TTN: variants seen among roughly 807,000 people sequenced by gnomAD.
The protein encoded by TTN is titin.
Under a neutral mutation model 3,223.0 loss-of-function variants are expected in TTN, and 1,525 were observed. The observed-to-expected ratio is 0.47, with a 90% CI of 0.45 to 0.49. The LOEUF (loss-of-function observed/expected upper bound fraction) is 0.49, where lower values mean the gene tolerates loss of function less well. Ranked by LOEUF, TTN falls within the 20% of genes least tolerant of loss-of-function variation. The pLI is 0.00. For synonymous variants in TTN, 14,094 were observed against 15,161.0 expected (o/e 0.93, Z 5.17); for missense variants, 40,786 against 43,424.0 (o/e 0.94, Z 5.40).
rs780685114 is a variant in TTN at position 178,592,735 on chromosome 2, C to G, written c.59344+40G>C. 2.7e-5 allele frequency: 44 copies of G among 1,612,428 alleles called. No individual in the cohort carries two copies. The East Asian group carries it at 6.7e-4, about 25-fold the overall frequency. On this transcript the variant is annotated intron_variant, in intron 300 of 362. Transcript: ENST00000589042. ...CAATTAAACACATACAATCAGACAT[C>G]TATTTTCCTTGCAAACACAAGTGAG...
chr2:178,625,489 T>C (rs2058885992), intron 240 of TTN, 93 bp from the exon 241 acceptor site: 5 of 1,369,880 alleles, frequency 3.6e-6, no homozygotes, highest in Non-Finnish European at 4.7e-6. Context: ...AAATAGAGCT[T>C]TCCAAGTTGT....
At position 178,785,626 on chromosome 2, in the gene TTN, T is replaced by C; in HGVS notation, c.2487A>G (p.Gly829=). The change falls in exon 15 of 363, where the codon GGA becomes GGG. Residue 829 remains glycine, a synonymous_variant. Coordinates refer to ENST00000589042, the MANE Select transcript of TTN (RefSeq NM_001267550.2). ...ATGCTCTGTAACTTCTTACCTCATA[T>C]CCATGTTCTGTCTTAGGAACAGAAA... ...SKISVPKTEH[G]YEASIAGSAI... 1 of 1,614,134 alleles carries C rather than the reference T, an allele frequency of 6.2e-7. No homozygotes were observed. Among genetic ancestry groups the C allele is most frequent in the African/African-American group, 1.3e-5 (1 of 75,052 alleles).
Position 178,650,177 on chromosome 2 carries a change from A to C in TTN, c.39804T>G (p.Val13268=). ...VPVAEEEEPE[V]PPPAVPEEPK... ...TCTGCTTTGTACCTGCTGGAGGTGG[A>C]ACCTCTGGTTCCTCCTCTTCTGCAA... Residue 13268 remains valine, a synonymous_variant, in exon 210 of 363, where the codon GTT becomes GTG. Coordinates refer to ENST00000589042, the MANE Select transcript of TTN (RefSeq NM_001267550.2). The C allele has an allele frequency of 6.3e-7, 1 of 1,583,662 alleles. No homozygotes were observed. Among genetic ancestry groups the C allele is most frequent in the Non-Finnish European group, 8.6e-7 (1 of 1,163,356 alleles).
intron 6 of TTN, 97 bp downstream of exon 6, chr2:178,799,390 G>C: frequency 1.3e-6 from 2 of 1,587,086 alleles, no homozygotes; most frequent in East Asian, 2.2e-5. Flanking sequence ...ACCACTCTCC[G>C]CGTCGCATGC....
intron 226 of TTN, 61 bp downstream of exon 226, chr2:178,635,902 C>T (rs558577294): frequency 6.5e-6 from 10 of 1,535,134 alleles, no homozygotes; most frequent in Non-Finnish European, 8.7e-6. Flanking sequence ...AAACGAGGTC[C>T]TTTCTTCCAT....
rs1375354094 is a variant in TTN at position 178,579,953 on chromosome 2, G to A, written c.67334C>T (p.Ala22445Val). The A allele has an allele frequency of 6.2e-7, 1 of 1,613,082 alleles. No individual in the cohort carries two copies. Among genetic ancestry groups the A allele is most frequent in the South Asian group, 1.1e-5 (1 of 91,044 alleles). The change falls in exon 318 of 363, where the codon GCT becomes GTT. Residue 22445 changes from alanine (A) to valine (V), a missense_variant. Transcript: ENST00000589042. ...CATTTGCTTACGGGAAGCTTTGACA[G>A]CATCACGAGTTTCACCGGGATCACC... ...GIGDPGETRD[A>V]VKASQTPGPV...
intron 142 of TTN, 120 bp downstream of exon 142, chr2:178,679,219 C>T (rs762064317): frequency 1.5e-5 from 15 of 1,032,262 alleles, no homozygotes; most frequent in African/African-American, 4.8e-5. Context: ...AGTTGAGAGG[C>T]GCTTGTCATG....
chr2:178,574,081 A>G lies in TTN; in HGVS notation c.72051T>C (p.Ala24017=), dbSNP rs756582042. Residue 24017 remains alanine (A), a synonymous_variant, in exon 326 of 363, where the codon GCT becomes GCC. Transcript: ENST00000589042. Reference sequence around the variant, plus strand: ...CCTCAACATCATCCCTGCAAGTGATAGCATCAGATGGCTCAGATGGTGGAC... The same window carrying G: ...CCTCAACATCATCCCTGCAAGTGATGGCATCAGATGGCTCAGATGGTGGAC... ...AISPPSEPSD[A]ITCRDDVEAP... is the part of the protein sequence containing the mutation. 6.2e-7 allele frequency: 1 copy of G among 1,613,424 alleles called. No homozygotes were observed. The highest frequency in any genetic ancestry group is 1.1e-5 in the South Asian group (1 of 91,072).
chr2:178,691,172 C>T (rs1408225081), intron 121 of TTN, among the ~76,000 whole-genome samples: 2 of 152,046 alleles, frequency 1.3e-5, no homozygotes, highest in African/African-American at 4.8e-5. Flanking sequence ...AAAGTCAGGC[C>T]AAGGGAACAC....
At chr2:178,611,720 T>C (rs933141901) in intron 268 of TTN, 38 bp downstream of exon 268, 2 of 1,611,600 alleles carry the variant, frequency 1.2e-6, no homozygotes, top group Non-Finnish European at 1.7e-6. Context: ...TCTCATCAAG[T>C]TCTAGACAAT....
At position 178,552,148 on chromosome 2, in the gene TTN, T is replaced by C. The variant is rs374014652; in HGVS notation, c.90752A>G (p.Asp30251Gly). 1.2e-6 allele frequency: 2 copies of C among 1,613,806 alleles called. No individual in the cohort carries two copies. The highest frequency in any genetic ancestry group is 2.7e-5 in the African/African-American group (2 of 75,034). The change falls in exon 335 of 363, where the codon GAT becomes GGT. Residue 30251 changes from aspartate (D) to glycine (G), a missense_variant. By Grantham distance (94) the Asp-to-Gly change is moderately conservative (BLOSUM62 -1). Coordinates refer to ENST00000589042, the MANE Select transcript of TTN (RefSeq NM_001267550.2). ...ACAAGTAATTTCTCCTCCTCCATTA[T>C]CTTCAGGTACATCCCATGACAGGAT... ...SVILSWDVPE[D>G]NGGGEITCYS...
Position 178,730,928 on chromosome 2 carries a change from A to C in TTN, c.17737T>G (p.Leu5913Val). 1 of 1,599,092 alleles carries C rather than the reference A, an allele frequency of 6.3e-7. No individual in the cohort carries two copies. The highest frequency in any genetic ancestry group is 8.5e-7 in the Non-Finnish European group (1 of 1,171,702). Residue 5913 changes from leucine to valine, a missense_variant, in exon 60 of 363, where the codon TTA (leucine) becomes GTA (valine). Physicochemically the swap from Leu to Val is conservative, Grantham distance 32. Coordinates refer to ENST00000589042, the MANE Select transcript of TTN (RefSeq NM_001267550.2). ...RSSCKARINVLDLIIPPSFTK... is the reference protein window; with the variant it reads ...RSSCKARINVVDLIIPPSFTK... The stretch of plus-strand genomic sequence containing the variant: ...TCTGTAGAAGAACAATACCAACCTA[A>C]TACATTAATTCTAGCCTTGCAGCTG...
At chr2:178,584,226 C>A in intron 311 of TTN, 50 bp downstream of exon 311, 1 of 1,507,856 alleles carries the variant, frequency 6.6e-7, no homozygotes, top group Non-Finnish European at 8.8e-7. Flanking sequence ...TTTAAATGTG[C>A]CTCCATAATA....
rs60305852 is a variant in TTN at position 178,783,096 on chromosome 2, C to T, written c.2842-32G>A. 0.023 allele frequency: 36,979 copies of T among 1,606,464 alleles called. 1,454 individuals are homozygous for T. The highest frequency in any genetic ancestry group is 0.14 in the African/African-American group (10,203 of 74,784). ...AGAGGAGAAAAAATAAATAATGATACGTGTGCATATTCATTAATCACTTCT... is the reference window on the plus strand; with the variant it reads ...AGAGGAGAAAAAATAAATAATGATATGTGTGCATATTCATTAATCACTTCT... On this transcript the variant is annotated intron_variant, in intron 17 of 362. Transcript: ENST00000589042.
intron 118 of TTN, 59 bp downstream of exon 118, chr2:178,693,863 G>A (rs1420830510): frequency 6.9e-7 from 1 of 1,453,866 alleles, no homozygotes; most frequent in Admixed American, 1.8e-5. Flanking sequence ...CAACAAGAGG[G>A]ATAAAAATCT....
intron 24 of TTN, 59 bp downstream of exon 24, chr2:178,778,815 T>C: frequency 6.2e-7 from 1 of 1,610,406 alleles, no homozygotes; most frequent in Non-Finnish European, 8.5e-7. Context: ...AATTTGCTAC[T>C]ATTTGATGTT....
intron 138 of TTN, 127 bp downstream of exon 138, chr2:178,680,952 T>C (rs577854204): frequency 8.2e-6 from 7 of 851,470 alleles, no homozygotes; most frequent in South Asian, 7.9e-5. Context: ...TACACATTTT[T>C]ACATCCAACA....
At position 178,650,189 on chromosome 2, in the gene TTN, C is replaced by G. The variant is rs1442749271; in HGVS notation, c.39792G>C (p.Glu13264Asp). Reference protein sequence around the residue: ...EEKPVPVAEEEEPEVPPPAVP... With the variant: ...EEKPVPVAEEDEPEVPPPAVP... ...CTGCTGGAGGTGGAACCTCTGGTTC[C>G]TCCTCTTCTGCAACAGGAACTGGCT... is the stretch of plus-strand genomic sequence containing the variant. The change falls in exon 210 of 363, where the codon GAG (glutamate) becomes GAC (aspartate). Residue 13264 changes from glutamate to aspartate, a missense_variant. Physicochemically the swap from Glu to Asp is conservative, Grantham distance 45 (BLOSUM62 2). Transcript: ENST00000589042. 1.3e-6 allele frequency: 2 copies of G among 1,590,912 alleles called. No individual in the cohort carries two copies. Among genetic ancestry groups the G allele is most frequent in the Middle Eastern group, 1.7e-4 (1 of 6,018 alleles).
intron 21 of TTN, 32 bp downstream of exon 21, chr2:178,781,089 A>T (rs372758754): frequency 6.2e-7 from 1 of 1,613,460 alleles, no homozygotes; most frequent in African/African-American, 1.3e-5. Flanking sequence ...TTCAGTTCTT[A>T]TCATGCACAT....
Sources: gnomAD v4.1 joint callset for allele counts (sites outside exome capture counted in the v4.1 genomes callset) on GRCh38, gnomAD v4.1.1 for gene constraint, MANE v1.5 for transcripts, NCBI Gene and HGNC (gene_info 2026-07-23, HGNC 2026-07-21) for gene names.